The following MYO9B variants were observed in gnomAD, a reference collection of about 807,000 sequenced individuals.
The protein encoded by MYO9B is unconventional myosin-IXb.
A neutral mutation model predicts 229.5 loss-of-function variants in MYO9B; 71 were observed. That is an observed-to-expected ratio of 0.31 (90% CI 0.26 to 0.38). The LOEUF (loss-of-function observed/expected upper bound fraction) is 0.38, where lower values mean the gene tolerates loss of function less well. Among genes scored for constraint, MYO9B ranks in the 10% least tolerant of loss-of-function variants. MYO9B has a pLI of 1.00. For missense variants in MYO9B, 2,255 were observed against 2,920.5 expected (o/e 0.77, Z 5.25); for synonymous variants, 1,185 against 1,235.8 (o/e 0.96, Z 0.86).
chr19:17,210,034 C>T (rs1248269023), intron 36 of MYO9B, among the ~76,000 whole-genome samples: 3 of 152,182 alleles, frequency 2.0e-5, no homozygotes, highest in African/African-American at 7.2e-5. Flanking sequence ...CTCGCTCAGC[C>T]TCACTCCAAT....
chr19:17,200,399 G>A lies in MYO9B; in HGVS notation c.4345G>A (p.Ala1449Thr). 1 of 1,592,526 alleles carries A rather than the reference G, an allele frequency of 6.3e-7. No homozygotes were observed. The highest frequency in any genetic ancestry group is 8.6e-7 in the Non-Finnish European group (1 of 1,169,084). Residue 1449 changes from alanine (A) to threonine (T), a missense_variant, in exon 25 of 40, where the codon GCC (alanine) becomes ACC (threonine). By Grantham distance (58) the Ala-to-Thr change is moderately conservative. Around this residue, in one of 7 missense-constraint regions of MYO9B, gnomAD observed 679 missense variants for 770.2 expected, o/e 0.88. Transcript: ENST00000682292. ...AGTGTCCGGGCACGTGGTGCTGGAA[G>A]CCACCACCATGAAGAAGGGCCTGGA... Reference protein sequence around the residue: ...NAVSGHVVLEATTMKKGLEAP... With the variant: ...NAVSGHVVLETTTMKKGLEAP...
intron 2 of MYO9B, among the ~76,000 whole-genome samples, chr19:17,132,931 T>C (rs934552639): frequency 2.0e-5 from 3 of 150,648 alleles, no homozygotes; most frequent in Non-Finnish European, 4.4e-5. Context: ...CACTGCAAGC[T>C]CCACCTCCCA....
chr19:17,084,685 G>A (rs767644552), intron 1 of MYO9B, among the ~76,000 whole-genome samples: 4 of 138,592 alleles, frequency 2.9e-5, no homozygotes. Flanking sequence ...CCAACATGGT[G>A]AAATCTTGTG....
chr19:17,107,464 GCGC>G (rs2057803450), intron 2 of MYO9B, among the ~76,000 whole-genome samples: 1 of 152,164 alleles, frequency 6.6e-6, no homozygotes, highest in African/African-American at 2.4e-5. Context: ...TGCCTCCACA[GCGC>G]CATCTCACTA....
intron 11 of MYO9B, among the ~76,000 whole-genome samples, chr19:17,170,415 CAAAT>C (rs1195456402): frequency 1.3e-5 from 2 of 152,014 alleles, no homozygotes; most frequent in African/African-American, 2.4e-5. Context: ...GCCAGAGACT[CAAAT>C]GAATGAGGCA....
chr19:17,102,006 G>A lies in MYO9B; in HGVS notation c.289G>A (p.Asp97Asn). The part of the protein sequence containing the change: ...RVLLWPRRAQ[D>N]EHPQEDGYYF... The stretch of plus-strand genomic sequence containing the variant: ...GCTGCTATGGCCCCGGCGGGCACAG[G>A]ACGAGCACCCTCAGGAGGATGGCTA... The change falls in exon 2 of 40, where the codon GAC becomes AAC. Residue 97 changes from aspartate to asparagine, a missense_variant. This residue lies in a region of MYO9B where 386 missense variants were observed against 515.2 expected (regional missense o/e 0.75). Transcript: ENST00000682292. The A allele has an allele frequency of 6.2e-6, 10 of 1,612,780 alleles. No individual in the cohort carries two copies. The highest frequency in any genetic ancestry group is 1.6e-4 in the Middle Eastern group (1 of 6,062).
At position 17,212,164 on chromosome 19, in the gene MYO9B, G is replaced by A. The variant is rs992073541; in HGVS notation, c.6328G>A (p.Val2110Met). 38 of 1,585,282 alleles carry A rather than the reference G, an allele frequency of 2.4e-5. No individual in the cohort carries two copies. The highest frequency in any genetic ancestry group is 2.7e-5 in the Non-Finnish European group (32 of 1,167,130). ...CCGCCGCCCGGACCAGATACATTCC[G>A]TGTACATCACGCCCGGGGCAGACCT... ...PARRPDQIHS[V>M]YITPGADLPV... is the part of the protein sequence containing the mutation. The change falls in exon 40 of 40, where the codon GTG becomes ATG. Residue 2110 changes from valine (V) to methionine (M), a missense_variant. Coordinates refer to ENST00000682292, the MANE Select transcript of MYO9B (RefSeq NM_004145.4). This position sits in a 1 kb window ranked among gnomAD's most constrained non-coding sequence, Gnocchi z 5.4.
chr19:17,130,466 A>G (rs2072180966), intron 2 of MYO9B, among the ~76,000 whole-genome samples: 1 of 152,016 alleles, frequency 6.6e-6, no homozygotes, highest in African/African-American at 2.4e-5. Flanking sequence ...AAAAAATACA[A>G]AAAATTAGCC....
intron 2 of MYO9B, among the ~76,000 whole-genome samples, chr19:17,121,306 A>G (rs2057961760): frequency 6.6e-6 from 1 of 152,024 alleles, no homozygotes; most frequent in African/African-American, 2.4e-5. Flanking sequence ...TCCTCACCAC[A>G]GCCCACTGAA....
At position 17,206,361 on chromosome 19, in the gene MYO9B, T is replaced by G; in HGVS notation, c.5371T>G (p.Phe1791Val). Residue 1791 changes from phenylalanine to valine, a missense_variant, in exon 33 of 40, where the codon TTC becomes GTC. This residue lies in a region of MYO9B where 416 missense variants were observed against 605.5 expected (regional missense o/e 0.69). Transcript: ENST00000682292. ...CATGACCTTCGCACAGTACGGCGACTTCCTCCGAGCCGTCGGTGAGCCCCA... is the reference window on the plus strand; with the variant it reads ...CATGACCTTCGCACAGTACGGCGACGTCCTCCGAGCCGTCGGTGAGCCCCA... ...PLMTFAQYGDFLRAVELPEKQ... is the reference protein window; with the variant it reads ...PLMTFAQYGDVLRAVELPEKQ... 6.2e-7 allele frequency: 1 copy of G among 1,610,522 alleles called. No individual in the cohort carries two copies. Among genetic ancestry groups the G allele is most frequent in the Non-Finnish European group, 8.5e-7 (1 of 1,179,520 alleles).
In MYO9B at chr19:17,180,970, T is replaced by C; in HGVS notation, c.2263T>C (p.Trp755Arg). ...QMIKSIKGLP[W>R]QGEDPRSLLQ... Reference sequence around the variant, plus strand: ...GATCAAGAGCATCAAAGGATTGCCCTGGCAGGGCGAGGACCCCCGTAGCCT... The same window carrying C: ...GATCAAGAGCATCAAAGGATTGCCCCGGCAGGGCGAGGACCCCCGTAGCCT... The change falls in exon 15 of 40, where the codon TGG (tryptophan) becomes CGG (arginine). Residue 755 changes from tryptophan to arginine, a missense_variant. Trp to Arg is a moderately radical substitution (Grantham distance 101). Transcript: ENST00000682292. 6.2e-7 allele frequency: 1 copy of C among 1,611,648 alleles called. No homozygotes were observed. The highest frequency in any genetic ancestry group is 8.5e-7 in the Non-Finnish European group (1 of 1,179,068).
chr19:17,183,072 C>T (rs1011139956), intron 15 of MYO9B, among the ~76,000 whole-genome samples: 1 of 151,980 alleles, frequency 6.6e-6, no homozygotes, highest in African/African-American at 2.4e-5. Context: ...CAGGCACCCG[C>T]CACCACACCT....
rs749909561 is a variant in MYO9B at position 17,198,276 on chromosome 19, A to G, written c.4206A>G (p.Ala1402=). The change falls in exon 24 of 40, where the codon GCA becomes GCG. Residue 1402 remains alanine (A), a synonymous_variant. Coordinates refer to ENST00000682292, the MANE Select transcript of MYO9B (RefSeq NM_004145.4). ...GCGACGCATCCTCCCTCCCAGACGCAGGGCTGTCCCCGGGCTCTCAGGTCG... is the reference window on the plus strand; with the variant it reads ...GCGACGCATCCTCCCTCCCAGACGCGGGGCTGTCCCCGGGCTCTCAGGTCG... ...KPGDASSLPD[A]GLSPGSQVDS... The G allele has an allele frequency of 1.2e-6, 2 of 1,613,916 alleles. No individual in the cohort carries two copies. Among genetic ancestry groups the G allele is most frequent in the East Asian group, 2.2e-5 (1 of 44,874 alleles).
intron 19 of MYO9B, among the ~76,000 whole-genome samples, chr19:17,188,605 A>C (rs2072946087): frequency 6.6e-6 from 1 of 152,192 alleles, no homozygotes; most frequent in African/African-American, 2.4e-5. Flanking sequence ...GAATAGAAAT[A>C]GTGTCTTTCT....
intron 1 of MYO9B, among the ~76,000 whole-genome samples, chr19:17,092,743 A>AG (rs1425967652): frequency 7.1e-6 from 1 of 140,812 alleles, no homozygotes; most frequent in Non-Finnish European, 1.5e-5. Flanking sequence ...AAAAAAAAAA[A>AG]GCGCTTGCAC....
At position 17,185,920 on chromosome 19, in the gene MYO9B, G is replaced by T; in HGVS notation, c.2497-1G>T. 1 of 1,613,450 alleles carries T rather than the reference G, an allele frequency of 6.2e-7. No homozygotes were observed. The highest frequency in any genetic ancestry group is 1.1e-5 in the South Asian group (1 of 91,058). On this transcript the variant is annotated splice_acceptor_variant, in intron 17 of 39. Transcript: ENST00000682292. LOFTEE classifies it high-confidence loss of function. Reference sequence around the variant, plus strand: ...CAAATGCTTTCTCTTTCCCTTAACAGACATCCCTTAACAAGCTCTTGGAGG... The same window carrying T: ...CAAATGCTTTCTCTTTCCCTTAACATACATCCCTTAACAAGCTCTTGGAGG...
intron 19 of MYO9B, among the ~76,000 whole-genome samples, chr19:17,189,085 C>T (rs754092140): frequency 4.0e-5 from 6 of 150,904 alleles, no homozygotes; most frequent in Non-Finnish European, 7.4e-5. Flanking sequence ...TGCTTGAACC[C>T]GGGAGATGGA....
chr19:17,113,300 G>A (rs1282788684), intron 2 of MYO9B, among the ~76,000 whole-genome samples: 4 of 152,140 alleles, frequency 2.6e-5, no homozygotes, highest in Non-Finnish European at 5.9e-5. Context: ...GCACTTCAAA[G>A]GGAGATTGGA....
chr19:17,192,719 G>C lies in MYO9B; in HGVS notation c.2812-27G>C, dbSNP rs570097194. On this transcript the variant is annotated intron_variant, in intron 20 of 39. Transcript: ENST00000682292. The stretch of plus-strand genomic sequence containing the variant: ...AGATGGTGTCAGGGGCAGTGCAGCT[G>C]ACCCCACCTGACCCCGTGCCCACCA... The C allele has an allele frequency of 1.5e-5, 23 of 1,496,352 alleles. No homozygotes were observed. In the South Asian group the frequency reaches 1.6e-4, roughly 10 times the overall value. 92.7% of individuals were successfully genotyped at this position (1,496,352 alleles called of 1,614,324 possible). A position where few individuals can be genotyped will look rare whatever the true frequency, so the allele number is the denominator to read the frequency against.
Sources: gnomAD v4.1 joint callset for allele counts (sites outside exome capture counted in the v4.1 genomes callset) on GRCh38, gnomAD v4.1.1 for gene constraint, gnomAD v4.1.1 regional missense constraint, Gnocchi (gnomAD v3.1) non-coding constraint, MANE v1.5 for transcripts, NCBI Gene and HGNC (gene_info 2026-07-23, HGNC 2026-07-21) for gene names.